The following TBCK variants were observed in gnomAD, a reference collection of about 807,000 sequenced individuals.
The protein encoded by TBCK is TBC1 domain containing kinase.
TBCK carries 99 observed loss-of-function variants against 113.4 expected under a neutral mutation model. The observed-to-expected ratio is 0.87, with a 90% confidence interval of 0.74 to 1.03. TBCK has a LOEUF of 1.03. TBCK is among the 50% of genes least tolerant of loss of function. The pLI, the probability that TBCK is intolerant of heterozygous loss-of-function variation, is 0.00. For synonymous variants in TBCK, 369 were observed against 370.8 expected, an observed-to-expected ratio of 1.00 and a Z score of 0.05; for missense variants, 1,045 against 1,061.3, an observed-to-expected ratio of 0.98 and a Z score of 0.21.
chr4:106,273,166 T>C (rs1427482230), intron 3 of TBCK, among the ~76,000 whole-genome samples: 1 of 152,212 alleles, frequency 6.6e-6, no homozygotes, highest in Admixed American at 6.5e-5. Flanking sequence ...GGCTTTACAA[T>C]TGTAACTATA....
At chr4:106,229,659 T>C (rs535698741) in intron 19 of TBCK, among the ~76,000 whole-genome samples, 1 of 152,174 alleles carries the variant, frequency 6.6e-6, no homozygotes, top group Admixed American at 6.6e-5. Flanking sequence ...GTAGTATAAT[T>C]TGAAGTCAGA....
At position 106,194,984 on chromosome 4, in the gene TBCK, G is replaced by A. The variant is rs546592326; in HGVS notation, c.1861-230C>T. On this transcript the variant is annotated intron_variant, in intron 20 of 25. Transcript: ENST00000394708. ...CATAGTGAATCATATCTAACTGGAT[G>A]TGTAAACAGACTGTAGCAAATGCTG... Among the ~76,000 whole-genome samples, 8 of 152,176 alleles carry A rather than the reference G, an allele frequency of 5.3e-5. No individual in the cohort carries two copies. The South Asian group carries it at 1.0e-3, about 20-fold the overall frequency.
At chr4:106,113,681 A>G (rs542079641) in intron 24 of TBCK, among the ~76,000 whole-genome samples, 55 of 152,338 alleles carry the variant, frequency 3.6e-4, no homozygotes, top group African/African-American at 1.3e-3. Context: ...CGGACGACAT[A>G]GGCCCTGGAC....
intron 3 of TBCK, among the ~76,000 whole-genome samples, chr4:106,285,237 A>G (rs1764995740): frequency 6.6e-6 from 1 of 152,206 alleles, no homozygotes; most frequent in East Asian, 1.9e-4. Context: ...CACAAATAAC[A>G]TTAGTCTATA....
chr4:106,151,587 T>A (rs1172799320), intron 23 of TBCK, among the ~76,000 whole-genome samples: 1 of 151,986 alleles, frequency 6.6e-6, no homozygotes, highest in Non-Finnish European at 1.5e-5. Context: ...AACAACCAAT[T>A]CTAAACAATT....
intron 2 of TBCK, among the ~76,000 whole-genome samples, chr4:106,306,949 T>C (rs571596442): frequency 3.3e-5 from 5 of 152,236 alleles, no homozygotes; most frequent in Non-Finnish European, 7.3e-5. Flanking sequence ...TATACCTATA[T>C]GTCAATATGA....
chr4:106,219,626 C>G (rs944210003), intron 19 of TBCK, among the ~76,000 whole-genome samples: 4 of 151,908 alleles, frequency 2.6e-5, no homozygotes, highest in Non-Finnish European at 5.9e-5. Context: ...ATAGTGCTAA[C>G]AATCTACTCA....
chr4:106,236,267 T>C (rs1759444717), intron 14 of TBCK, 123 bp downstream of exon 14: 1 of 664,272 alleles, frequency 1.5e-6, no homozygotes, highest in Non-Finnish European at 2.1e-6. Flanking sequence ...GAAAGCTAAC[T>C]GAACAAGATA....
intron 11 of TBCK, 79 bp from the exon 12 acceptor site, chr4:106,242,648 G>A: frequency 2.3e-6 from 2 of 875,072 alleles, no homozygotes; most frequent in Non-Finnish European, 3.4e-6. Context: ...TTTATTCTAA[G>A]TCATCAATCC....
At chr4:106,200,764 A>G (rs533054031) in intron 20 of TBCK, among the ~76,000 whole-genome samples, 1 of 152,270 alleles carries the variant, frequency 6.6e-6, no homozygotes, top group African/African-American at 2.4e-5. Context: ...TCTGGCACAT[A>G]ATAGGCACAC....
In TBCK at chr4:106,056,285, T is replaced by C. The variant is rs1735384400; in HGVS notation, c.2572-9605A>G. On this transcript the variant is annotated intron_variant, in intron 25 of 25. Transcript: ENST00000394708. ...TTTAATTAATTTTTTTTTTTTTTTT[T>C]GTAGAAACAAGGTCTCGCTTTGTTG... is the stretch of plus-strand genomic sequence containing the variant. Among the ~76,000 whole-genome samples the C allele has an allele frequency of 4.9e-5, 7 of 144,194 alleles. No individual in the cohort carries two copies. The South Asian group carries it at 1.5e-3, about 31-fold the overall frequency. 94.6% of individuals were successfully genotyped at this position (144,194 alleles called of 152,430 possible).
Position 106,244,763 on chromosome 4 carries a change from A to G in TBCK, c.933T>C (p.Asp311=). The G allele has an allele frequency of 1.3e-6, 2 of 1,563,888 alleles. No individual in the cohort carries two copies. Among genetic ancestry groups the G allele is most frequent in the Non-Finnish European group, 1.7e-6 (2 of 1,147,360 alleles). Residue 311 remains aspartate (D), a splice_region_variant and synonymous_variant, in exon 11 of 26, where the codon GAT becomes GAC. Transcript: ENST00000394708. ...LPEDISQLCK[D]INNDYLAERS... ...TTTCTGCCAGGTAATCATTATTTAT[A>G]TCTATTAAAAGCAAATTTAAGGAAT...
At chr4:106,199,684 T>A (rs1214938527) in intron 20 of TBCK, among the ~76,000 whole-genome samples, 2 of 152,156 alleles carry the variant, frequency 1.3e-5, no homozygotes, top group Admixed American at 6.5e-5. Flanking sequence ...TTTCAATTGC[T>A]CAGGTACTTG....
At chr4:106,195,425 A>G (rs1445135703) in intron 20 of TBCK, among the ~76,000 whole-genome samples, 1 of 151,706 alleles carries the variant, frequency 6.6e-6, no homozygotes, top group Non-Finnish European at 1.5e-5. Flanking sequence ...CTGAGATTTT[A>G]AAGATCCTTG....
rs555888712 is a variant in TBCK at position 106,222,041 on chromosome 4, T to C, written c.1774+8322A>G. ...TCTAGAGTCTTAACTTCAAAAATAG[T>C]GTTTTCTAACCTACACATGACCTAT... On this transcript the variant is annotated intron_variant, in intron 19 of 25. Coordinates refer to ENST00000394708, the MANE Select transcript of TBCK (RefSeq NM_001163435.3). Among the ~76,000 whole-genome samples, 43 of 152,274 alleles carry C rather than the reference T, an allele frequency of 2.8e-4. No individual in the cohort carries two copies. In the East Asian group the frequency reaches 7.3e-3, roughly 26 times the overall value.
At chr4:106,198,123 C>A (rs889366784) in intron 20 of TBCK, among the ~76,000 whole-genome samples, 5 of 152,030 alleles carry the variant, frequency 3.3e-5, no homozygotes. Context: ...AGTGAAAAAG[C>A]CAAGGACTTG....
intron 24 of TBCK, among the ~76,000 whole-genome samples, chr4:106,106,855 A>C (rs1742224848): frequency 6.6e-6 from 1 of 152,318 alleles, no homozygotes; most frequent in African/African-American, 2.4e-5. Flanking sequence ...AACAGGATAA[A>C]AAAGTAAGAC....
intron 23 of TBCK, among the ~76,000 whole-genome samples, chr4:106,119,959 G>A (rs1408341798): frequency 2.0e-5 from 3 of 152,162 alleles, no homozygotes; most frequent in East Asian, 3.9e-4. Flanking sequence ...CAATGTGAGA[G>A]GAGCCAAGAT....
intron 23 of TBCK, among the ~76,000 whole-genome samples, chr4:106,155,221 C>T (rs1179583914): frequency 6.6e-6 from 1 of 151,706 alleles, no homozygotes; most frequent in Non-Finnish European, 1.5e-5. Flanking sequence ...GAAAAGTCTG[C>T]TGCCGGACAT....
Sources: allele counts gnomAD v4.1 joint callset (sites outside exome capture counted in the v4.1 genomes callset), GRCh38; gene constraint gnomAD v4.1.1; transcripts MANE v1.5; gene names NCBI Gene and HGNC (gene_info 2026-07-23, HGNC 2026-07-21).